Variants in CUL4A observed in about 807,000 individuals in gnomAD.
The protein encoded by CUL4A is cullin-4A.
In CUL4A, 16 loss-of-function variants were observed where a neutral mutation model predicts 95.5. That is an observed-to-expected ratio of 0.17 (90% CI 0.11 to 0.25). CUL4A has a LOEUF of 0.25. Ranked by LOEUF, CUL4A falls within the 10% of genes least tolerant of loss-of-function variation. The pLI, the probability that CUL4A is intolerant of heterozygous loss-of-function variation, is 1.00. For missense variants in CUL4A, 610 were observed against 937.0 expected (o/e 0.65, Z 4.56); for synonymous variants, 380 against 353.1 (o/e 1.08, Z -0.85).
intron 3 of CUL4A, among the ~76,000 whole-genome samples, chr13:113,226,078 A>C (rs533689512): frequency 6.6e-6 from 1 of 152,292 alleles, no homozygotes; most frequent in African/African-American, 2.4e-5. Flanking sequence ...TATCCTCAGC[A>C]CTGTTTATTC....
At chr13:113,232,344 GCCACCA>G (rs2041380009) in intron 5 of CUL4A, among the ~76,000 whole-genome samples, 2 of 151,200 alleles carry the variant, frequency 1.3e-5, no homozygotes, top group African/African-American at 4.9e-5. Context: ...TACTGTCACC[GCCACCA>G]CCGCTATTAC....
chr13:113,227,064 A>T (rs192693711), intron 3 of CUL4A, among the ~76,000 whole-genome samples: 113 of 152,228 alleles, frequency 7.4e-4, no homozygotes, highest in African/African-American at 2.5e-3. Flanking sequence ...GGATGAAGGG[A>T]GGCTGGAGAG....
At chr13:113,233,673 G>T (rs1438161772) in intron 6 of CUL4A, among the ~76,000 whole-genome samples, 1 of 152,156 alleles carries the variant, frequency 6.6e-6, no homozygotes, top group African/African-American at 2.4e-5. Context: ...GACAAAGGGC[G>T]AAGTTCTTTA....
intron 16 of CUL4A, among the ~76,000 whole-genome samples, chr13:113,254,478 C>G (rs1310752732): frequency 2.6e-5 from 4 of 152,006 alleles, no homozygotes; most frequent in African/African-American, 7.3e-5. Context: ...ACCAGTAGTC[C>G]CAGCTACTCG....
At chr13:113,220,397 G>A (rs1459224018) in intron 3 of CUL4A, among the ~76,000 whole-genome samples, 3 of 152,198 alleles carry the variant, frequency 2.0e-5, no homozygotes, top group Non-Finnish European at 4.4e-5. Flanking sequence ...ATCAGTGACC[G>A]CACACCACCT....
chr13:113,220,682 G>A lies in CUL4A; in HGVS notation c.368+1634G>A, dbSNP rs543269287. On this transcript the variant is annotated intron_variant, in intron 3 of 19. Transcript: ENST00000375440. ...CCAATTTACTTGAAAACGACTATCT[G>A]ATTACCTGATCAAATGAATCTTTTG... Among the ~76,000 whole-genome samples, 14 of 152,282 alleles carry A rather than the reference G, an allele frequency of 9.2e-5. No individual in the cohort carries two copies. The South Asian group carries it at 2.9e-3, about 32-fold the overall frequency.
At position 113,256,926 on chromosome 13, in the gene CUL4A, G is replaced by GTTTTTTTTT. The variant is rs951070829; in HGVS notation, c.2031+1816_2031+1824dup. ...AATGCTTTGTCCCTTTTTTTTTTTC[G>GTTTTTTTTT]TTTTTTTTTTTTTTTTTTTTTTTGC... On this transcript the variant is annotated intron_variant, in intron 18 of 19. Transcript: ENST00000375440. 2.2e-3 allele frequency among the ~76,000 whole-genome samples: 102 copies of GTTTTTTTTT among 47,404 alleles called. 3 individuals carry two copies. The highest frequency in any genetic ancestry group is 2.4e-3 in the Non-Finnish European group (68 of 27,954). The allele number at this position is 47,404 out of a possible 152,430, so 31.1% of individuals were successfully genotyped here. A position where few individuals can be genotyped will look rare whatever the true frequency, so the allele number is the denominator to read the frequency against.
intron 18 of CUL4A, among the ~76,000 whole-genome samples, chr13:113,257,688 G>C (rs968278452): frequency 2.6e-5 from 4 of 151,278 alleles, no homozygotes; most frequent in African/African-American, 9.7e-5. Context: ...CCACATTTCA[G>C]CATGAGATTT....
rs569740138 is a variant in CUL4A at position 113,225,667 on chromosome 13, G to T, written c.369-2309G>T. ...GCTCCGCCTTCGGCTGCTGTGGCCC[G>T]CCTGCCCGCAGAGAGGCTTGCTGGG... On this transcript the variant is annotated intron_variant, in intron 3 of 19. Coordinates refer to ENST00000375440, the MANE Select transcript of CUL4A (RefSeq NM_001008895.4). Among the ~76,000 whole-genome samples the T allele has an allele frequency of 1.9e-4, 29 of 152,296 alleles. 1 individual carries two copies. Among genetic ancestry groups the T allele is most frequent in the Non-Finnish European group, 2.9e-4 (20 of 68,024 alleles).
intron 15 of CUL4A, among the ~76,000 whole-genome samples, chr13:113,248,998 G>C (rs1004517592): frequency 6.6e-6 from 1 of 152,162 alleles, no homozygotes; most frequent in African/African-American, 2.4e-5. Flanking sequence ...CAGTGTTACA[G>C]AGCTGTCACC....
chr13:113,263,445 T>G (rs1457809213), intron 19 of CUL4A, 42 bp from the exon 20 acceptor site: 5 of 1,248,254 alleles, frequency 4.0e-6, no homozygotes, highest in Non-Finnish European at 5.8e-6. Context: ...TTTGTAAATT[T>G]AATGCCATTG....
At position 113,260,540 on chromosome 13, in the gene CUL4A, A is replaced by G; in HGVS notation, c.2032-67A>G. ...ACTCTAGCCCAGGCAACTGAGTGAGACTCCATCGCAAAAAATAAAAAGAAA... is the reference window on the plus strand; with the variant it reads ...ACTCTAGCCCAGGCAACTGAGTGAGGCTCCATCGCAAAAAATAAAAAGAAA... On this transcript the variant is annotated intron_variant, in intron 18 of 19. Transcript: ENST00000375440. The G allele has an allele frequency of 2.8e-6, 4 of 1,428,358 alleles. No individual in the cohort carries two copies. The South Asian group carries it at 4.0e-5, about 14-fold the overall frequency. The allele number at this position is 1,428,358 out of a possible 1,614,324, so 88.5% of individuals were successfully genotyped here. A position where few individuals can be genotyped will look rare whatever the true frequency, so the allele number is the denominator to read the frequency against.
chr13:113,240,620 T>C (rs2041680327), intron 10 of CUL4A, among the ~76,000 whole-genome samples: 1 of 152,070 alleles, frequency 6.6e-6, no homozygotes, highest in Admixed American at 6.5e-5. Context: ...GAAAAGCCAA[T>C]CACAGATACT....
At chr13:113,209,177 T>TGG (rs1457164704), upstream of CUL4A, among the ~76,000 whole-genome samples, 1 of 134,620 alleles carries the variant, frequency 7.4e-6, no homozygotes, top group Non-Finnish European at 1.6e-5. Context: ...ACGCCCGGGG[T>TGG]GGGGGTGCCG....
rs1459805757 is a variant in CUL4A at position 113,266,583 on chromosome 13, ATT to A, written c.*3002_*3003del. The stretch of plus-strand genomic sequence containing the variant: ...TTTTAAATTCTGCTGTTTTTAGAAC[ATT>A]GTAATTGAAACAGCATGATGCTGGC... On this transcript the variant is annotated 3_prime_UTR_variant, in exon 20 of 20. Transcript: ENST00000375440. 1 of 152,232 alleles carries A rather than the reference ATT, an allele frequency of 6.6e-6. No homozygotes were observed. Among genetic ancestry groups the A allele is most frequent in the Non-Finnish European group, 1.5e-5 (1 of 68,032 alleles). The allele number at this position is 152,232 out of a possible 1,614,324, so 9.4% of individuals were successfully genotyped here.
chr13:113,232,154 G>GTCACCACTAC lies in CUL4A; in HGVS notation c.513-1023_513-1022insTCACCACTAC, dbSNP rs1566343441. Reference sequence around the variant, plus strand: ...CCACTACCCGCCCACCACCATTACTGCTGCCACCACTACCCGCCCACCACC... The same window carrying GTCACCACTAC: ...CCACTACCCGCCCACCACCATTACTGTCACCACTACCTGCCACCACTACCCGCCCACCACC... On this transcript the variant is annotated intron_variant, in intron 5 of 19. Transcript: ENST00000375440. 3.8e-4 allele frequency among the ~76,000 whole-genome samples: 6 copies of GTCACCACTAC among 15,760 alleles called. 1 individual carries two copies. Among genetic ancestry groups the GTCACCACTAC allele is most frequent in the Admixed American group, 2.6e-3 (3 of 1,138 alleles). The allele number at this position is 15,760 out of a possible 152,430, so 10.3% of individuals were successfully genotyped here. A position where few individuals can be genotyped will look rare whatever the true frequency, so the allele number is the denominator to read the frequency against.
intron 5 of CUL4A, among the ~76,000 whole-genome samples, chr13:113,231,524 C>A (rs2041309168): frequency 6.6e-6 from 1 of 152,120 alleles, no homozygotes; most frequent in Non-Finnish European, 1.5e-5. Context: ...AGAGAAGATC[C>A]CAGTGGCAGG....
At chr13:113,256,935 T>TG in intron 18 of CUL4A, among the ~76,000 whole-genome samples, 1 of 136,584 alleles carries the variant, frequency 7.3e-6, no homozygotes, top group Non-Finnish European at 1.6e-5. Context: ...CGTTTTTTTT[T>TG]TTTTTTTTTT....
rs913168252 is a variant in CUL4A, at chr13:113,266,818, G to A, written c.*3236G>A. ...AAGTTCCAAGTGGTCAAGTATTTAC[G>A]TGTAAAAAAATACATATATATGAAA... is the stretch of plus-strand genomic sequence containing the variant. On this transcript the variant is annotated 3_prime_UTR_variant, in exon 20 of 20. Transcript: ENST00000375440. The A allele has an allele frequency of 7.2e-5, 11 of 152,042 alleles. No individual in the cohort carries two copies. The highest frequency in any genetic ancestry group is 1.5e-4 in the African/African-American group (6 of 41,364). The allele number at this position is 152,042 out of a possible 1,614,324, so 9.4% of individuals were successfully genotyped here.
Sources: gnomAD v4.1 joint callset for allele counts (sites outside exome capture counted in the v4.1 genomes callset) on GRCh38, gnomAD v4.1.1 for gene constraint, MANE v1.5 for transcripts, NCBI Gene and HGNC (gene_info 2026-07-23, HGNC 2026-07-21) for gene names.